Variants in CD163L1 observed in about 807,000 individuals in gnomAD.
CD163L1 encodes the protein scavenger receptor cysteine-rich type 1 protein M160.
CD163L1 carries 124 observed loss-of-function variants against 165.4 expected under a neutral mutation model. The ratio of observed to expected loss-of-function variants is 0.75; its 90% CI spans 0.65 to 0.87. The LOEUF (loss-of-function observed/expected upper bound fraction) is 0.87, where lower values mean the gene tolerates loss of function less well. Ranked by LOEUF, CD163L1 falls within the 40% of genes least tolerant of loss-of-function variation. The pLI is 0.00. For missense variants in CD163L1, 1,525 were observed against 1,799.9 expected (o/e 0.85, Z 2.76); for synonymous variants, 585 against 662.2 (o/e 0.88, Z 1.79).
At chr12:7,401,799 T>C (rs779552190) in intron 6 of CD163L1, among the ~76,000 whole-genome samples, 2 of 152,038 alleles carry the variant, frequency 1.3e-5, no homozygotes, top group Non-Finnish European at 2.9e-5. Context: ...TAGCGTTGCA[T>C]GTGGATTTAA....
chr12:7,360,922 T>C (rs1251620068), intron 18 of CD163L1, among the ~76,000 whole-genome samples: 2 of 152,118 alleles, frequency 1.3e-5, no homozygotes, highest in South Asian at 2.1e-4. Flanking sequence ...AAAAGTTTTG[T>C]TAAAACACTT....
At chr12:7,421,464 C>CATATAT (rs371156224) in intron 4 of CD163L1, among the ~76,000 whole-genome samples, 2 of 75,486 alleles carry the variant, frequency 2.6e-5, no homozygotes, top group Admixed American at 1.5e-4. Flanking sequence ...TACATATATA[C>CATATAT]ATATATATAC....
At chr12:7,353,802 C>G (rs183454961), downstream of CD163L1, among the ~76,000 whole-genome samples, 41 of 151,966 alleles carry the variant, frequency 2.7e-4, 1 homozygote, top group African/African-American at 7.0e-4. Flanking sequence ...CTTAAACTTT[C>G]TAAACATAGA....
chr12:7,407,788 CACACACACACACACACACAG>C (rs1948058213), intron 4 of CD163L1, among the ~76,000 whole-genome samples: 1 of 149,750 alleles, frequency 6.7e-6, no homozygotes, highest in African/African-American at 2.5e-5. Context: ...TCCATACACA[CACACACACACACACACACAG>C]ACACACACAC....
chr12:7,362,467 AATTT>A (rs1946919143), intron 18 of CD163L1, among the ~76,000 whole-genome samples: 2 of 139,124 alleles, frequency 1.4e-5, no homozygotes, highest in African/African-American at 5.3e-5. Flanking sequence ...TTATTCTAAT[AATTT>A]ATTCTGTAAG....
intron 2 of CD163L1, among the ~76,000 whole-genome samples, chr12:7,440,622 C>A (rs1296417340): frequency 2.7e-5 from 3 of 111,266 alleles, no homozygotes; most frequent in East Asian, 2.8e-4. Flanking sequence ...CTATCTTTAT[C>A]TTTTTTCTTT....
At chr12:7,326,147 T>A in the CD163L1 span, among the ~76,000 whole-genome samples, 1 of 152,148 alleles carries the variant, frequency 6.6e-6, no homozygotes, top group Non-Finnish European at 1.5e-5. Flanking sequence ...GCAAACAATA[T>A]GAGGCAAAAA....
In CD163L1 at chr12:7,398,643, T is replaced by G; in HGVS notation, c.1409-59A>C. The G allele has an allele frequency of 7.1e-7, 1 of 1,408,674 alleles. No homozygotes were observed. Among genetic ancestry groups the G allele is most frequent in the Non-Finnish European group, 9.6e-7 (1 of 1,043,522 alleles). The allele number at this position is 1,408,674 out of a possible 1,614,324, so 87.3% of individuals were successfully genotyped here. A position where few individuals can be genotyped will look rare whatever the true frequency, so the allele number is the denominator to read the frequency against. ...AAATGAGAGAGTCTTTTCAGAAGAC[T>G]GAAAAGACTCTCTAAATTCACGACT... On this transcript the variant is annotated intron_variant, in intron 6 of 19. Coordinates refer to ENST00000313599, the MANE Select transcript of CD163L1 (RefSeq NM_174941.6). The surrounding 1 kb of genome is among the most constrained non-coding windows in gnomAD (Gnocchi z 4.5).
At position 7,373,397 on chromosome 12, in the gene CD163L1, G is replaced by C; in HGVS notation, c.3653C>G (p.Ser1218Cys). The change falls in exon 14 of 20, where the codon TCC (serine) becomes TGC (cysteine). Residue 1218 changes from serine (S) to cysteine (C), a missense_variant. Ser to Cys is a moderately radical substitution (Grantham distance 112). Transcript: ENST00000313599. ...TGGGGCAGACAGGCACTGCCATATGGAGATATGCGTTTTAGGACACTGAAT... is the reference window on the plus strand; with the variant it reads ...TGGGGCAGACAGGCACTGCCATATGCAGATATGCGTTTTAGGACACTGAAT... ...DDIQCPKTHI[S>C]IWQCLSAPWE... 6.2e-7 allele frequency: 1 copy of C among 1,614,188 alleles called. No homozygotes were observed. Among genetic ancestry groups the C allele is most frequent in the Non-Finnish European group, 8.5e-7 (1 of 1,180,020 alleles).
intron 8 of CD163L1, among the ~76,000 whole-genome samples, chr12:7,388,109 C>A (rs1212060858): frequency 6.6e-6 from 1 of 152,124 alleles, no homozygotes; most frequent in African/African-American, 2.4e-5. Context: ...TCTCACCATA[C>A]ATAAAAATCA....
chr12:7,329,655 ACCT>A, the CD163L1 span, among the ~76,000 whole-genome samples: 1 of 151,958 alleles, frequency 6.6e-6, no homozygotes, highest in Admixed American at 6.6e-5. Context: ...TAAAAGAAAA[ACCT>A]AAAGGGGGAA....
chr12:7,346,416 C>T (rs1946670607), downstream of CD163L1, among the ~76,000 whole-genome samples: 2 of 151,628 alleles, frequency 1.3e-5, no homozygotes, highest in Non-Finnish European at 2.9e-5. Context: ...TGTGTCTTTC[C>T]TATTACTGCT....
At chr12:7,323,048 A>G in the CD163L1 span, among the ~76,000 whole-genome samples, 28 of 152,260 alleles carry the variant, frequency 1.8e-4, no homozygotes, top group Admixed American at 1.7e-3. Flanking sequence ...ACAATGTTCC[A>G]GAATTTCAAA....
Position 7,400,909 on chromosome 12 carries a change from A to G in CD163L1, c.1409-2325T>C, listed in dbSNP as rs1947904206. On this transcript the variant is annotated intron_variant, in intron 6 of 19. Coordinates refer to ENST00000313599, the MANE Select transcript of CD163L1 (RefSeq NM_174941.6). The surrounding 1 kb of genome is among the most constrained non-coding windows in gnomAD (Gnocchi z 4.1). ...TATAAAGGGACTCTATAAAATACACAGAGTTCTTACACATTATGAAGACAA... is the reference window on the plus strand; with the variant it reads ...TATAAAGGGACTCTATAAAATACACGGAGTTCTTACACATTATGAAGACAA... Among the ~76,000 whole-genome samples the G allele has an allele frequency of 6.6e-6, 1 of 152,242 alleles. No individual in the cohort carries two copies. Among genetic ancestry groups the G allele is most frequent in the Admixed American group, 6.5e-5 (1 of 15,274 alleles).
intron 4 of CD163L1, among the ~76,000 whole-genome samples, chr12:7,420,998 T>C (rs750271093): frequency 2.4e-5 from 3 of 125,458 alleles, no homozygotes; most frequent in East Asian, 4.6e-4. Context: ...TATATATACA[T>C]ATATATATAT....
the CD163L1 span, among the ~76,000 whole-genome samples, chr12:7,331,633 G>A: frequency 4.6e-5 from 7 of 152,290 alleles, no homozygotes; most frequent in South Asian, 4.1e-4. Context: ...ACCAATATCC[G>A]CTGTTCTGCA....
At chr12:7,334,491 C>A in the CD163L1 span, among the ~76,000 whole-genome samples, 1 of 152,166 alleles carries the variant, frequency 6.6e-6, no homozygotes, top group Non-Finnish European at 1.5e-5. Context: ...GGATGTATCT[C>A]AAAATAATAA....
At chr12:7,335,867 C>G in the CD163L1 span, among the ~76,000 whole-genome samples, 2 of 151,956 alleles carry the variant, frequency 1.3e-5, no homozygotes, top group Non-Finnish European at 2.9e-5. Flanking sequence ...AGACACTTCT[C>G]AAAAGAAGAC....
chr12:7,358,612 G>A (rs1465588077), intron 18 of CD163L1, among the ~76,000 whole-genome samples: 1 of 151,894 alleles, frequency 6.6e-6, no homozygotes, highest in Non-Finnish European at 1.5e-5. Flanking sequence ...TTAATCCCTC[G>A]CCAGATAAAT....
Sources: allele counts gnomAD v4.1 joint callset (sites outside exome capture counted in the v4.1 genomes callset), GRCh38; gene constraint gnomAD v4.1.1; non-coding constraint Gnocchi (gnomAD v3.1); transcripts MANE v1.5; gene names NCBI Gene and HGNC (gene_info 2026-07-23, HGNC 2026-07-21).